CAST: variants seen among roughly 807,000 people sequenced by gnomAD.
The protein encoded by CAST is MIR583 host.
In CAST, 76 loss-of-function variants were observed where a neutral mutation model predicts 119.6. That is an observed-to-expected ratio of 0.64 (90% CI 0.53 to 0.77). CAST has a LOEUF of 0.77. Among genes scored for constraint, CAST ranks in the 30% least tolerant of loss-of-function variants. CAST has a pLI of 0.00. For missense variants in CAST, 953 were observed against 946.5 expected, an observed-to-expected ratio of 1.01 and a Z score of -0.09; for synonymous variants, 319 against 331.6, an observed-to-expected ratio of 0.96 and a Z score of 0.41.
chr5:96,348,434 A>G, the CAST span, among the ~76,000 whole-genome samples: 1 of 151,996 alleles, frequency 6.6e-6, no homozygotes, highest in Non-Finnish European at 1.5e-5. Flanking sequence ...TTGGTGCCTG[A>G]TTCCTAAGGA....
At chr5:96,427,251 G>A in the CAST span, among the ~76,000 whole-genome samples, 3,825 of 152,232 alleles carry the variant, frequency 0.025, 150 homozygotes, top group African/African-American at 0.086. Flanking sequence ...GCACTCTGCC[G>A]TCTGATCAGA....
the CAST span, among the ~76,000 whole-genome samples, chr5:96,319,573 A>G: frequency 6.6e-6 from 1 of 152,172 alleles, no homozygotes; most frequent in Non-Finnish European, 1.5e-5. Context: ...AATCCTACAG[A>G]CTTCACAGGC....
At position 96,771,648 on chromosome 5, in the gene CAST, C is replaced by A. The variant is rs547406560; in HGVS notation, c.2345C>A (p.Thr782Lys). 4 of 1,611,576 alleles carry A rather than the reference C, an allele frequency of 2.5e-6. No individual in the cohort carries two copies. The highest frequency in any genetic ancestry group is 3.3e-5 in the Admixed American group (2 of 59,910). Residue 782 changes from threonine to lysine, a missense_variant, in exon 31 of 32, where the codon ACA (threonine) becomes AAA (lysine). Coordinates refer to ENST00000675179, the MANE Select transcript of CAST (RefSeq NM_001750.7). ...TGGTTTTGCTTTCCCTTTTAGACAACAGAGGAAACTTCCAAGCCAAAAGAT... is the reference window on the plus strand; with the variant it reads ...TGGTTTTGCTTTCCCTTTTAGACAAAAGAGGAAACTTCCAAGCCAAAAGAT... ...GGKAKDSAKT[T>K]EETSKPKDD
the CAST span, among the ~76,000 whole-genome samples, chr5:95,990,708 T>G: frequency 6.6e-6 from 1 of 152,118 alleles, no homozygotes; most frequent in African/African-American, 2.4e-5. Flanking sequence ...TTATTGGATA[T>G]TTTACATAGT....
the CAST span, among the ~76,000 whole-genome samples, chr5:96,166,262 A>T: frequency 3.3e-5 from 5 of 152,210 alleles, no homozygotes; most frequent in African/African-American, 1.2e-4. Flanking sequence ...CCTTTATTTT[A>T]ATTTTCTGAT....
At position 96,729,276 on chromosome 5, in the gene CAST, T is replaced by A; in HGVS notation, c.435+67T>A. The A allele has an allele frequency of 3.3e-6, 3 of 903,886 alleles. No individual in the cohort carries two copies. The Admixed American group carries it at 6.5e-5, about 20-fold the overall frequency. 56.0% of individuals were successfully genotyped at this position (903,886 alleles called of 1,614,324 possible). On this transcript the variant is annotated intron_variant, in intron 7 of 31. Transcript: ENST00000675179. ...TTTGGTGGGATATAATTAAAATCTT[T>A]CATTAATTCAAAACTAATCCCTACA...
At chr5:96,515,162 C>CA in the CAST span, among the ~76,000 whole-genome samples, 32,326 of 151,914 alleles carry the variant, frequency 0.21, 3,992 homozygotes, top group Admixed American at 0.31. Context: ...GGGAGTGCTT[C>CA]AAAAATGAAA....
chr5:96,747,981 T>G (rs1205190692), intron 18 of CAST, among the ~76,000 whole-genome samples: 2 of 152,138 alleles, frequency 1.3e-5, no homozygotes, highest in Non-Finnish European at 2.9e-5. Flanking sequence ...CTGGTCTGAG[T>G]CCCAGCGTCT....
chr5:96,542,674 G>A (rs1313048584), intron 1 of CAST, among the ~76,000 whole-genome samples: 1 of 148,038 alleles, frequency 6.8e-6, no homozygotes, highest in Non-Finnish European at 1.5e-5. Flanking sequence ...ATTTTTAAGA[G>A]TTATTTATAT....
At chr5:96,446,656 A>C in the CAST span, among the ~76,000 whole-genome samples, 1 of 152,218 alleles carries the variant, frequency 6.6e-6, no homozygotes, top group African/African-American at 2.4e-5. Flanking sequence ...TATAAAGTCA[A>C]GGTCATTGAT....
chr5:96,196,590 G>A, the CAST span, among the ~76,000 whole-genome samples: 5 of 152,174 alleles, frequency 3.3e-5, no homozygotes, highest in Non-Finnish European at 5.9e-5. Context: ...TGAGCACTGT[G>A]AGCAGCTGTG....
At chr5:96,383,023 G>A in the CAST span, among the ~76,000 whole-genome samples, 1 of 152,176 alleles carries the variant, frequency 6.6e-6, no homozygotes, top group Non-Finnish European at 1.5e-5. Context: ...TAATCTTTGG[G>A]ATACTGCAGT....
At chr5:96,344,909 C>T in the CAST span, among the ~76,000 whole-genome samples, 3,243 of 152,202 alleles carry the variant, frequency 0.021, 114 homozygotes, top group African/African-American at 0.074. Context: ...TACAGAATAC[C>T]GTGATATAAT....
At chr5:96,361,192 G>A in the CAST span, among the ~76,000 whole-genome samples, 1 of 152,110 alleles carries the variant, frequency 6.6e-6, no homozygotes, top group South Asian at 2.1e-4. Flanking sequence ...CACCAAGCTC[G>A]AGTGTCCCAG....
chr5:96,411,700 G>A, the CAST span, among the ~76,000 whole-genome samples: 1 of 152,118 alleles, frequency 6.6e-6, no homozygotes, highest in Non-Finnish European at 1.5e-5. Context: ...AAAAGCAGCA[G>A]GAAAATGAGT....
intron 1 of CAST, among the ~76,000 whole-genome samples, chr5:96,656,909 T>C (rs903903657): frequency 1.4e-4 from 21 of 151,294 alleles, no homozygotes; most frequent in African/African-American, 4.9e-4. Flanking sequence ...CAAATGACTT[T>C]GAGTATTAAA....
the CAST span, among the ~76,000 whole-genome samples, chr5:96,058,981 TGAAAAAACA>T: frequency 6.6e-6 from 1 of 152,052 alleles, no homozygotes; most frequent in African/African-American, 2.4e-5. Context: ...AGGCCCAGGC[TGAAAAAACA>T]GAATGACGAA....
the CAST span, chr5:96,412,430 T>C: frequency 1.2e-5 from 19 of 1,613,998 alleles, no homozygotes; most frequent in East Asian, 2.0e-4. Flanking sequence ...GTGTCCAGGA[T>C]TGAATCCAAT....
chr5:96,527,106 G>A (rs1350866684), upstream of CAST, among the ~76,000 whole-genome samples: 2 of 152,182 alleles, frequency 1.3e-5, no homozygotes, highest in African/African-American at 4.8e-5. Flanking sequence ...GATAAAGTAA[G>A]CATAGAGAAC....
Sources: allele counts gnomAD v4.1 joint callset (sites outside exome capture counted in the v4.1 genomes callset), GRCh38; gene constraint gnomAD v4.1.1; transcripts MANE v1.5; gene names NCBI Gene and HGNC (gene_info 2026-07-23, HGNC 2026-07-21).